The following CHRM2 variants were observed in gnomAD, a reference collection of about 807,000 sequenced individuals.
The protein encoded by CHRM2 is muscarinic acetylcholine receptor M2.
A neutral mutation model predicts 25.0 loss-of-function variants in CHRM2; 8 were observed. The observed-to-expected ratio is 0.32, with a 90% CI of 0.19 to 0.58. The LOEUF (loss-of-function observed/expected upper bound fraction) is 0.58, where lower values mean the gene tolerates loss of function less well. Among genes scored for constraint, CHRM2 ranks in the 20% least tolerant of loss-of-function variants. The pLI is 0.88. For synonymous variants in CHRM2, 202 were observed against 205.7 expected, an observed-to-expected ratio of 0.98 and a Z score of 0.15; for missense variants, 440 against 567.1, an observed-to-expected ratio of 0.78 and a Z score of 2.28.
chr7:136,968,707 A>G (rs1801569349), intron 2 of CHRM2, among the ~76,000 whole-genome samples: 1 of 133,744 alleles, frequency 7.5e-6, no homozygotes, highest in Non-Finnish European at 1.6e-5. Context: ...TATTATATAT[A>G]TTGTATTATC....
chr7:136,946,044 G>A (rs552449241), intron 2 of CHRM2, among the ~76,000 whole-genome samples: 16 of 152,148 alleles, frequency 1.1e-4, no homozygotes, highest in East Asian at 3.9e-4. Flanking sequence ...TTCTTGTCCC[G>A]GCTTTGCTCC....
rs1252283456 is a variant in CHRM2 at position 136,950,801 on chromosome 7, T to TTGA, written c.-124-41384_-124-41383insATG. ...CCCCAACCTGTTGTTGTTGTTGTTG[T>TTGA]TGTTGTTGTTGTTGTTGTTGTTGTT... On this transcript the variant is annotated intron_variant, in intron 2 of 3. Coordinates refer to ENST00000680005, the MANE Select transcript of CHRM2 (RefSeq NM_001006630.2). 1.9e-3 allele frequency among the ~76,000 whole-genome samples: 287 copies of TTGA among 151,750 alleles called. 4 individuals are homozygous for TTGA. Among genetic ancestry groups the TTGA allele is most frequent in the African/African-American group, 5.3e-3 (219 of 41,376 alleles).
chr7:136,981,930 T>A (rs1584872014), intron 2 of CHRM2, among the ~76,000 whole-genome samples: 1 of 152,132 alleles, frequency 6.6e-6, no homozygotes, highest in Non-Finnish European at 1.5e-5. Context: ...TTCTGTTGAT[T>A]TGGGGTGGAG....
At chr7:136,876,129 A>G (rs1796043296) in intron 2 of CHRM2, among the ~76,000 whole-genome samples, 1 of 152,200 alleles carries the variant, frequency 6.6e-6, no homozygotes, top group Non-Finnish European at 1.5e-5. Context: ...TTATTTTTAT[A>G]TACCTAATCA....
intron 3 of CHRM2, among the ~76,000 whole-genome samples, chr7:136,993,353 G>C (rs1386651629): frequency 6.6e-6 from 1 of 152,124 alleles, no homozygotes; most frequent in Non-Finnish European, 1.5e-5. Context: ...TTACTAGCTG[G>C]CACATAACTT....
At chr7:136,924,490 C>A (rs1438064027) in intron 2 of CHRM2, among the ~76,000 whole-genome samples, 1 of 151,612 alleles carries the variant, frequency 6.6e-6, no homozygotes, top group Non-Finnish European at 1.5e-5. Flanking sequence ...TGATAGTTTG[C>A]TGAGAATGAT....
intron 2 of CHRM2, among the ~76,000 whole-genome samples, chr7:136,968,110 G>A (rs938308216): frequency 3.3e-5 from 5 of 151,896 alleles, no homozygotes; most frequent in Non-Finnish European, 5.9e-5. Context: ...TCTGATATAC[G>A]TATATATGGT....
At chr7:136,985,523 A>AC (rs1339147470) in intron 2 of CHRM2, among the ~76,000 whole-genome samples, 6 of 150,840 alleles carry the variant, frequency 4.0e-5, no homozygotes, top group African/African-American at 9.7e-5. Flanking sequence ...AAAAAAAAAA[A>AC]AAAAACAAAA....
At chr7:136,928,495 T>A (rs1301735560) in intron 2 of CHRM2, among the ~76,000 whole-genome samples, 1 of 152,198 alleles carries the variant, frequency 6.6e-6, no homozygotes, top group Non-Finnish European at 1.5e-5. Context: ...TGCTTCATGA[T>A]CCTTCAAAAC....
chr7:136,878,532 C>T (rs571501653), intron 2 of CHRM2, among the ~76,000 whole-genome samples: 2 of 151,832 alleles, frequency 1.3e-5, no homozygotes, highest in Admixed American at 1.3e-4. Flanking sequence ...TAGTTATATC[C>T]TTATCAGGGG....
chr7:136,959,494 G>C (rs1056545093), intron 2 of CHRM2, among the ~76,000 whole-genome samples: 1 of 152,220 alleles, frequency 6.6e-6, no homozygotes, highest in African/African-American at 2.4e-5. Context: ...ATTATCAGTA[G>C]AGTTTAAAAG....
chr7:136,958,524 C>T (rs1041608845), intron 2 of CHRM2, among the ~76,000 whole-genome samples: 2 of 142,600 alleles, frequency 1.4e-5, no homozygotes, highest in South Asian at 4.7e-4. Flanking sequence ...GGGGCGATTA[C>T]AGCTCACTGC....
At chr7:137,000,543 A>AGAAAGAAGGAAGGAAG (rs1554434028) in intron 3 of CHRM2, among the ~76,000 whole-genome samples, 40 of 36,532 alleles carry the variant, frequency 1.1e-3, no homozygotes, top group African/African-American at 3.7e-3. Context: ...AAGAAAAGAA[A>AGAAAGAAGGAAGGAAG]GAAAGAAGGA....
At chr7:137,005,866 C>T (rs1804390881) in intron 3 of CHRM2, among the ~76,000 whole-genome samples, 1 of 152,032 alleles carries the variant, frequency 6.6e-6, no homozygotes. Flanking sequence ...TAGGAAAAAA[C>T]AAAACAAAAT....
rs1178174188 is a variant in CHRM2, at chr7:136,868,794, A to C, written c.-481A>C. ...CACACAGACACACACACACTCACAC[A>C]CTCCAGGCTGCGGGTTGGCCAGAGC... On this transcript the variant is annotated 5_prime_UTR_variant, in exon 1 of 4. Transcript: ENST00000680005. 1 of 150,832 alleles carries C rather than the reference A, an allele frequency of 6.6e-6. No homozygotes were observed. Among genetic ancestry groups the C allele is most frequent in the Admixed American group, 6.6e-5 (1 of 15,110 alleles). The allele number at this position is 150,832 out of a possible 1,614,324, so 9.3% of individuals were successfully genotyped here.
rs762475568 is a variant in CHRM2 at position 137,016,299 on chromosome 7, G to C, written c.*33G>C. The C allele has an allele frequency of 5.6e-6, 9 of 1,598,310 alleles. No homozygotes were observed. In the South Asian group the frequency reaches 9.9e-5, roughly 18 times the overall value. On this transcript the variant is annotated 3_prime_UTR_variant, in exon 4 of 4. Coordinates refer to ENST00000680005, the MANE Select transcript of CHRM2 (RefSeq NM_001006630.2). ...TTGAAAAAGATAGAAGGTGGGCAAGGGGAGCTTGAGAAGAATAAAAGGGAT... is the reference window on the plus strand; with the variant it reads ...TTGAAAAAGATAGAAGGTGGGCAAGCGGAGCTTGAGAAGAATAAAAGGGAT...
At chr7:136,934,209 T>A (rs1397758053) in intron 2 of CHRM2, among the ~76,000 whole-genome samples, 1 of 152,176 alleles carries the variant, frequency 6.6e-6, no homozygotes. Context: ...AATACCATTA[T>A]TTTTCTAGTC....
intron 2 of CHRM2, among the ~76,000 whole-genome samples, chr7:136,882,616 C>T (rs1563042956): frequency 6.6e-6 from 1 of 152,132 alleles, no homozygotes; most frequent in East Asian, 1.9e-4. Context: ...TGAGTTATTC[C>T]TTTCTGAAAT....
intron 2 of CHRM2, among the ~76,000 whole-genome samples, chr7:136,961,477 C>T (rs984881027): frequency 2.0e-5 from 3 of 152,180 alleles, no homozygotes; most frequent in Non-Finnish European, 4.4e-5. Context: ...ATGAGGCATA[C>T]TCAACCAATT....
Sources: allele counts gnomAD v4.1 joint callset (sites outside exome capture counted in the v4.1 genomes callset), GRCh38; gene constraint gnomAD v4.1.1; transcripts MANE v1.5; gene names NCBI Gene and HGNC (gene_info 2026-07-23, HGNC 2026-07-21).